Variants in KYNU observed in about 807,000 individuals in gnomAD.
The protein encoded by KYNU is kynureninase, also known as L-kynurenine hydrolase.
Under a neutral mutation model 59.2 loss-of-function variants are expected in KYNU, and 54 were observed. The ratio of observed to expected loss-of-function variants is 0.91; its 90% CI spans 0.73 to 1.14. The LOEUF is 1.14. KYNU is among the 50% of genes most tolerant of loss of function. The pLI is 0.00. For synonymous variants in KYNU, 177 were observed against 192.0 expected (o/e 0.92, Z 0.65); for missense variants, 567 against 554.4 (o/e 1.02, Z -0.23).
chr2:142,909,091 T>G (rs1272512880), intron 2 of KYNU, among the ~76,000 whole-genome samples: 1 of 152,190 alleles, frequency 6.6e-6, no homozygotes, highest in African/African-American at 2.4e-5. Context: ...TATCTAACAA[T>G]GTATTTACAA....
intron 13 of KYNU, 29 bp downstream of exon 13, chr2:143,040,687 T>C: frequency 6.8e-7 from 1 of 1,462,864 alleles, no homozygotes; most frequent in Non-Finnish European, 9.5e-7. Context: ...GCTACCAGAT[T>C]TTGTCTATGG....
intron 10 of KYNU, among the ~76,000 whole-genome samples, chr2:142,998,087 A>T (rs1310109183): frequency 6.6e-6 from 1 of 152,174 alleles, no homozygotes; most frequent in Non-Finnish European, 1.5e-5. Context: ...TATTTACTGG[A>T]TCTCTTCCAA....
chr2:142,891,634 A>G (rs76560560), intron 2 of KYNU, among the ~76,000 whole-genome samples: 9,095 of 152,290 alleles, frequency 0.06, 376 homozygotes, highest in East Asian at 0.22. Flanking sequence ...GGGCTTCCAT[A>G]TAACATAATA....
intron 4 of KYNU, among the ~76,000 whole-genome samples, chr2:142,936,243 CA>C (rs1683387173): frequency 6.6e-6 from 1 of 152,156 alleles, no homozygotes; most frequent in African/African-American, 2.4e-5. Context: ...CCCATTTCTC[CA>C]GTCATTGGCA....
chr2:142,904,282 C>T (rs1256048002), intron 2 of KYNU, among the ~76,000 whole-genome samples: 2 of 152,150 alleles, frequency 1.3e-5, no homozygotes, highest in East Asian at 1.9e-4. Flanking sequence ...CCTAGTTTTC[C>T]TTAGTCCTTT....
Position 142,968,020 on chromosome 2 carries a change from C to T in KYNU, c.729+7250C>T, listed in dbSNP as rs145392942. 2.8e-3 allele frequency among the ~76,000 whole-genome samples: 433 copies of T among 152,188 alleles called. 3 individuals carry two copies. The highest frequency in any genetic ancestry group is 9.7e-3 in the African/African-American group (402 of 41,530). On this transcript the variant is annotated intron_variant, in intron 8 of 13. Coordinates refer to ENST00000264170, the MANE Select transcript of KYNU (RefSeq NM_003937.3). ...TTTAATACTGGAATGTTAAATAAGTCATCTTTACCAGAAATTGTTGACATT... is the reference window on the plus strand; with the variant it reads ...TTTAATACTGGAATGTTAAATAAGTTATCTTTACCAGAAATTGTTGACATT...
chr2:143,018,073 C>G (rs1686312214), intron 10 of KYNU, among the ~76,000 whole-genome samples: 1 of 152,044 alleles, frequency 6.6e-6, no homozygotes, highest in African/African-American at 2.4e-5. Context: ...GTAAATATTT[C>G]CTCCCATTCT....
intron 3 of KYNU, among the ~76,000 whole-genome samples, chr2:142,925,655 A>C (rs1683023612): frequency 6.6e-6 from 1 of 152,234 alleles, no homozygotes; most frequent in South Asian, 2.1e-4. Context: ...GCTGGCTTAT[A>C]CCAGATGTCA....
rs775067465 is a variant in KYNU, at chr2:142,891,385, A to AG, written c.169+5850dup. ...TTTTTTACTATTAAACTATATTTGGAGAAAAAAAAACGGTGCTGCTTTCAA... is the reference window on the plus strand; with the variant it reads ...TTTTTTACTATTAAACTATATTTGGAGGAAAAAAAAACGGTGCTGCTTTCAA... On this transcript the variant is annotated intron_variant, in intron 2 of 13. Transcript: ENST00000264170. Among the ~76,000 whole-genome samples the AG allele has an allele frequency of 3.7e-3, 562 of 152,246 alleles. 2 individuals are homozygous for AG. The highest frequency in any genetic ancestry group is 6.0e-3 in the Non-Finnish European group (405 of 68,012).
intron 10 of KYNU, among the ~76,000 whole-genome samples, chr2:143,015,619 A>T (rs1686225781): frequency 6.6e-6 from 1 of 152,002 alleles, no homozygotes; most frequent in Non-Finnish European, 1.5e-5. Flanking sequence ...TGTGAATGAC[A>T]TTCCTTCTTT....
intron 10 of KYNU, among the ~76,000 whole-genome samples, chr2:143,021,054 T>G (rs923688526): frequency 1.3e-5 from 2 of 152,186 alleles, no homozygotes; most frequent in Non-Finnish European, 2.9e-5. Context: ...GAGATTTTCT[T>G]TTTAACTTTT....
intron 8 of KYNU, among the ~76,000 whole-genome samples, chr2:142,977,284 G>A (rs1404089304): frequency 2.0e-5 from 3 of 149,046 alleles, no homozygotes; most frequent in Admixed American, 6.7e-5. Flanking sequence ...AATTTTTCTC[G>A]TTTCTGTTCC....
At chr2:143,035,596 T>A (rs1177109489) in intron 12 of KYNU, among the ~76,000 whole-genome samples, 1 of 152,104 alleles carries the variant, frequency 6.6e-6, no homozygotes, top group South Asian at 2.1e-4. Context: ...TAAGTTTTAT[T>A]TATTTATATT....
intron 4 of KYNU, among the ~76,000 whole-genome samples, chr2:142,941,358 A>G (rs1001673991): frequency 3.3e-5 from 5 of 152,212 alleles, no homozygotes; most frequent in African/African-American, 1.2e-4. Flanking sequence ...TAACACACCT[A>G]TGGGACAAAA....
At chr2:142,931,955 G>A (rs1355943061) in intron 4 of KYNU, among the ~76,000 whole-genome samples, 1 of 152,162 alleles carries the variant, frequency 6.6e-6, no homozygotes, top group Non-Finnish European at 1.5e-5. Flanking sequence ...AAGTTGTTGG[G>A]AACATTTTTA....
intron 2 of KYNU, among the ~76,000 whole-genome samples, chr2:142,905,086 G>A (rs1404124552): frequency 1.3e-5 from 2 of 152,190 alleles, no homozygotes; most frequent in African/African-American, 2.4e-5. Flanking sequence ...TGAGTCAGGA[G>A]TGAGATGGAG....
chr2:143,023,251 T>G (rs1179891816), intron 10 of KYNU, among the ~76,000 whole-genome samples: 1 of 151,904 alleles, frequency 6.6e-6, no homozygotes, highest in East Asian at 1.9e-4. Flanking sequence ...TCAATTTACT[T>G]TAAACTTGCC....
chr2:142,889,317 C>G (rs1407675636), intron 2 of KYNU, among the ~76,000 whole-genome samples: 2 of 151,904 alleles, frequency 1.3e-5, no homozygotes, highest in Non-Finnish European at 2.9e-5. Flanking sequence ...GGCGGGGGGA[C>G]TCAGCAAGTC....
At chr2:143,007,723 A>G (rs1253606001) in intron 10 of KYNU, among the ~76,000 whole-genome samples, 3 of 123,128 alleles carry the variant, frequency 2.4e-5, no homozygotes, top group Non-Finnish European at 4.9e-5. Context: ...CAGAAACCCT[A>G]CAAGCCAGAA....
Sources: gnomAD v4.1 joint callset for allele counts (sites outside exome capture counted in the v4.1 genomes callset) on GRCh38, gnomAD v4.1.1 for gene constraint, MANE v1.5 for transcripts, NCBI Gene and HGNC (gene_info 2026-07-23, HGNC 2026-07-21) for gene names.